AKAP13: variants seen among roughly 807,000 people sequenced by gnomAD.
The protein encoded by AKAP13 is A-kinase anchor protein 13.
In AKAP13, 80 loss-of-function variants were observed where a neutral mutation model predicts 264.5. The observed-to-expected ratio is 0.30, with a 90% CI of 0.25 to 0.36. The LOEUF is 0.36. AKAP13 is among the 10% of genes least tolerant of loss of function. The pLI is 1.00. For missense variants in AKAP13, 3,712 were observed against 3,435.2 expected, an observed-to-expected ratio of 1.08 and a Z score of -2.01; for synonymous variants, 1,380 against 1,250.2, an observed-to-expected ratio of 1.10 and a Z score of -2.19.
chr15:85,741,514 G>A lies in AKAP13; in HGVS notation c.8058+19G>A, dbSNP rs777511330. Reference sequence around the variant, plus strand: ...GTGTCAGGTAATGGGACTCCCTGCCGAGAGCAACCTAATGATGATATTAAT... The same window carrying A: ...GTGTCAGGTAATGGGACTCCCTGCCAAGAGCAACCTAATGATGATATTAAT... On this transcript the variant is annotated intron_variant, in intron 35 of 36. Coordinates refer to ENST00000394518, the MANE Select transcript of AKAP13 (RefSeq NM_007200.5). 15 of 1,557,086 alleles carry A rather than the reference G, an allele frequency of 9.6e-6. No homozygotes were observed. The highest frequency in any genetic ancestry group is 1.7e-4 in the Middle Eastern group (1 of 5,812).
chr15:85,396,328 C>T (rs1392641109), intron 1 of AKAP13, among the ~76,000 whole-genome samples: 2 of 152,126 alleles, frequency 1.3e-5, no homozygotes, highest in Admixed American at 1.3e-4. Flanking sequence ...GCAACTTCAT[C>T]ATTGGCATAT....
At chr15:85,665,036 C>A (rs2083512346) in intron 13 of AKAP13, among the ~76,000 whole-genome samples, 1 of 151,916 alleles carries the variant, frequency 6.6e-6, no homozygotes, top group South Asian at 2.1e-4. Context: ...CCCCCCATCT[C>A]TACAAAAAAT....
In AKAP13 at chr15:85,727,232, A is replaced by G; in HGVS notation, c.6989A>G (p.Asp2330Gly). ...AACAGCTGGATTCAGATCATTCAGG[A>G]CACAATCAACACCCTGTAAGTTAAC... The part of the protein sequence containing the change: ...ERNSWIQIIQ[D>G]TINTLNRDED... The change falls in exon 28 of 37, where the codon GAC (aspartate) becomes GGC (glycine). Residue 2330 changes from aspartate (D) to glycine (G), a missense_variant. This residue lies in a region of AKAP13 where 342 missense variants were observed against 484.3 expected (regional missense o/e 0.71). Coordinates refer to ENST00000394518, the MANE Select transcript of AKAP13 (RefSeq NM_007200.5). This position sits in a 1 kb window ranked among gnomAD's most constrained non-coding sequence, Gnocchi z 5.3. The G allele has an allele frequency of 6.2e-7, 1 of 1,614,170 alleles. No individual in the cohort carries two copies. The highest frequency in any genetic ancestry group is 8.5e-7 in the Non-Finnish European group (1 of 1,180,024).
At chr15:85,598,032 AAT>A (rs1341314278) in intron 8 of AKAP13, among the ~76,000 whole-genome samples, 1 of 152,170 alleles carries the variant, frequency 6.6e-6, no homozygotes, top group Non-Finnish European at 1.5e-5. Flanking sequence ...CTATGAAAAT[AAT>A]AACTCAAGGA....
intron 8 of AKAP13, among the ~76,000 whole-genome samples, chr15:85,629,430 C>G (rs970975625): frequency 2.0e-5 from 3 of 152,122 alleles, no homozygotes; most frequent in Non-Finnish European, 4.4e-5. Flanking sequence ...AGTCTCTCCA[C>G]TTTTTTCTTC....
chr15:85,596,038 C>G (rs1041155363), intron 8 of AKAP13, among the ~76,000 whole-genome samples: 1 of 152,196 alleles, frequency 6.6e-6, no homozygotes, highest in Non-Finnish European at 1.5e-5. Flanking sequence ...TCTGAGGACA[C>G]CCAAAACCCT....
Position 85,575,255 on chromosome 15 carries a change from C to G in AKAP13, c.787C>G (p.His263Asp). ...ATTAACCTCTGAGTCTGATTCACAT[C>G]ATGAACACCCATTTCCTGGAGACGG... ...YTLTSESDSH[H>D]EHPFPGDGCT... Residue 263 changes from histidine (H) to aspartate (D), a missense_variant, in exon 6 of 37, where the codon CAT becomes GAT. Coordinates refer to ENST00000394518, the MANE Select transcript of AKAP13 (RefSeq NM_007200.5). The G allele has an allele frequency of 1.9e-6, 3 of 1,614,156 alleles. No homozygotes were observed. The highest frequency in any genetic ancestry group is 2.5e-6 in the Non-Finnish European group (3 of 1,180,034).
chr15:85,709,697 T>TTTATTTTATTTTATA (rs2086524179), intron 18 of AKAP13, among the ~76,000 whole-genome samples: 1 of 149,724 alleles, frequency 6.7e-6, no homozygotes, highest in Non-Finnish European at 1.5e-5. Context: ...TTTATTTTAT[T>TTTATTTTATTTTATA]TTATTTTAGA....
intron 1 of AKAP13, among the ~76,000 whole-genome samples, chr15:85,465,746 C>T (rs1469008036): frequency 6.6e-6 from 1 of 151,106 alleles, no homozygotes; most frequent in Non-Finnish European, 1.5e-5. Context: ...TTAATCCAGT[C>T]TATCATTGTT....
intron 5 of AKAP13, among the ~76,000 whole-genome samples, chr15:85,574,531 C>T (rs572488008): frequency 5.3e-5 from 8 of 152,312 alleles, no homozygotes; most frequent in African/African-American, 1.9e-4. Context: ...ACTTTAAGTT[C>T]TTGGAACCAA....
At chr15:85,658,425 C>T (rs887014109) in intron 11 of AKAP13, 112 bp from the exon 12 acceptor site, 6 of 835,422 alleles carry the variant, frequency 7.2e-6, no homozygotes, top group Non-Finnish European at 9.5e-6. Flanking sequence ...TTGCCTGTGC[C>T]ATTTCTCTTT....
At chr15:85,619,688 C>T (rs991676788) in intron 8 of AKAP13, 1 of 991,328 alleles carries the variant, frequency 1.0e-6, no homozygotes, top group Non-Finnish European at 1.2e-6. Flanking sequence ...GTTTTTTTCC[C>T]TACGTGTATC....
Position 85,743,727 on chromosome 15 carries a change from C to T in AKAP13, c.8294C>T (p.Ala2765Val), listed in dbSNP as rs764900112. Residue 2765 changes from alanine (A) to valine (V), a missense_variant, in exon 36 of 37, where the codon GCG becomes GTG. Ala to Val is a moderately conservative substitution (Grantham distance 64). This residue lies in a region of AKAP13 where 611 missense variants were observed against 539.3 expected (regional missense o/e 1.13). Coordinates refer to ENST00000394518, the MANE Select transcript of AKAP13 (RefSeq NM_007200.5). ...KGPEGQSQAPASTSASTRLFG... is the reference protein window; with the variant it reads ...KGPEGQSQAPVSTSASTRLFG... ...CCAGAAGGGCAGAGCCAGGCCCCTGCGTCCACCTCTGCCTCTACCCGCCTG... is the reference window on the plus strand; with the variant it reads ...CCAGAAGGGCAGAGCCAGGCCCCTGTGTCCACCTCTGCCTCTACCCGCCTG... The T allele has an allele frequency of 8.1e-6, 13 of 1,614,002 alleles. No homozygotes were observed. Among genetic ancestry groups the T allele is most frequent in the Middle Eastern group, 1.6e-4 (1 of 6,084 alleles).
chr15:85,735,711 T>C (rs1191102819), intron 32 of AKAP13, 81 bp downstream of exon 32: 47 of 1,402,922 alleles, frequency 3.4e-5, no homozygotes, highest in Non-Finnish European at 4.5e-5. Flanking sequence ...TTCACTTTGA[T>C]GTTGTTTTCG....
At chr15:85,527,752 C>T (rs986754038) in intron 3 of AKAP13, among the ~76,000 whole-genome samples, 6 of 152,222 alleles carry the variant, frequency 3.9e-5, no homozygotes, top group African/African-American at 1.2e-4. Context: ...TGGGTGTATA[C>T]TTCTGCACAT....
intron 1 of AKAP13, among the ~76,000 whole-genome samples, chr15:85,412,279 A>T (rs1355308284): frequency 6.6e-6 from 1 of 152,234 alleles, no homozygotes; most frequent in Non-Finnish European, 1.5e-5. Flanking sequence ...AAGAATATTA[A>T]CAACTATCCC....
At chr15:85,709,814 A>G (rs1231398478) in intron 18 of AKAP13, among the ~76,000 whole-genome samples, 1 of 151,950 alleles carries the variant, frequency 6.6e-6, no homozygotes, top group East Asian at 1.9e-4. Context: ...CAGCCTCCCA[A>G]GTAGCTGAGA....
At chr15:85,476,959 G>A (rs964095681) in intron 1 of AKAP13, among the ~76,000 whole-genome samples, 1 of 152,132 alleles carries the variant, frequency 6.6e-6, no homozygotes, top group African/African-American at 2.4e-5. Context: ...AGAGTACAGG[G>A]CTCCATCTTT....
chr15:85,630,220 A>T (rs2081676969), intron 8 of AKAP13, among the ~76,000 whole-genome samples: 1 of 95,556 alleles, frequency 1.0e-5, no homozygotes, highest in Non-Finnish European at 2.3e-5. Flanking sequence ...TCATGAACTA[A>T]GATGGAAAAT....
Sources: gnomAD v4.1 joint callset for allele counts (sites outside exome capture counted in the v4.1 genomes callset) on GRCh38, gnomAD v4.1.1 for gene constraint, gnomAD v4.1.1 regional missense constraint, Gnocchi (gnomAD v3.1) non-coding constraint, MANE v1.5 for transcripts, NCBI Gene and HGNC (gene_info 2026-07-23, HGNC 2026-07-21) for gene names.